Variants in GALNT1 observed in about 807,000 individuals in gnomAD.
GALNT1 encodes the protein polypeptide N-acetylgalactosaminyltransferase 1, also known as GalNAc transferase 1.
GALNT1 carries 17 observed loss-of-function variants against 65.7 expected under a neutral mutation model. The observed-to-expected ratio is 0.26, with a 90% confidence interval of 0.18 to 0.39. The LOEUF (loss-of-function observed/expected upper bound fraction) is 0.39. Ranked by LOEUF, GALNT1 falls within the 10% of genes least tolerant of loss-of-function variation. GALNT1 has a pLI of 1.00. For missense variants in GALNT1, 460 were observed against 672.8 expected (o/e 0.68, Z 3.50); for synonymous variants, 210 against 219.7 (o/e 0.96, Z 0.39).
At chr18:35,608,736 A>G (rs865864760) in intron 1 of GALNT1, among the ~76,000 whole-genome samples, 1 of 152,216 alleles carries the variant, frequency 6.6e-6, no homozygotes, top group Admixed American at 6.5e-5. Context: ...ATAATATAGT[A>G]TGATAAATGC....
At chr18:35,632,429 G>A (rs1444822607) in intron 1 of GALNT1, among the ~76,000 whole-genome samples, 1 of 152,114 alleles carries the variant, frequency 6.6e-6, no homozygotes, top group Admixed American at 6.5e-5. Context: ...TGACAAACCT[G>A]ACAAAAACAA....
chr18:35,686,205 C>T, intron 5 of GALNT1, among the ~76,000 whole-genome samples: 1 of 152,166 alleles, frequency 6.6e-6, no homozygotes, highest in East Asian at 1.9e-4. Context: ...AAAAGATTTA[C>T]TGAAATTCAC....
At chr18:35,694,860 C>A (rs1007832036) in intron 9 of GALNT1, among the ~76,000 whole-genome samples, 1 of 152,170 alleles carries the variant, frequency 6.6e-6, no homozygotes, top group African/African-American at 2.4e-5. Flanking sequence ...AATTCTGATA[C>A]ATGCTACAAC....
chr18:35,697,839 T>C (rs950488612), intron 9 of GALNT1, among the ~76,000 whole-genome samples: 1 of 152,254 alleles, frequency 6.6e-6, no homozygotes, highest in Non-Finnish European at 1.5e-5. Context: ...CTAGATTGTT[T>C]TGGCTTGATT....
At chr18:35,593,352 A>G (rs956130081) in intron 1 of GALNT1, among the ~76,000 whole-genome samples, 8 of 152,164 alleles carry the variant, frequency 5.3e-5, no homozygotes, top group African/African-American at 1.7e-4. Context: ...GCAGAAATCT[A>G]TTACCAGGGG....
At chr18:35,649,934 T>A (rs977655475) in intron 1 of GALNT1, among the ~76,000 whole-genome samples, 2 of 152,222 alleles carry the variant, frequency 1.3e-5, no homozygotes, top group African/African-American at 4.8e-5. Flanking sequence ...CCAATAATGT[T>A]GTCTGTTGTG....
chr18:35,653,891 C>CT (rs2047342487), intron 1 of GALNT1, among the ~76,000 whole-genome samples: 1 of 152,184 alleles, frequency 6.6e-6, no homozygotes, highest in African/African-American at 2.4e-5. Flanking sequence ...ATATACTTTT[C>CT]TTTTCCATTA....
intron 3 of GALNT1, among the ~76,000 whole-genome samples, chr18:35,671,613 TAATA>T (rs2047637500): frequency 6.6e-6 from 1 of 152,232 alleles, no homozygotes; most frequent in African/African-American, 2.4e-5. Context: ...AAGTTTGACT[TAATA>T]AATCTTGCTT....
chr18:35,692,092 T>C (rs978605749), intron 8 of GALNT1, 89 bp from the exon 9 acceptor site: 1 of 1,157,294 alleles, frequency 8.6e-7, no homozygotes, highest in East Asian at 2.5e-5. Context: ...ACCACTGTTC[T>C]GATTCATCTG....
chr18:35,602,166 A>G (rs1039544936), intron 1 of GALNT1, among the ~76,000 whole-genome samples: 1 of 152,068 alleles, frequency 6.6e-6, no homozygotes, highest in African/African-American at 2.4e-5. Context: ...TTTTTTCTTT[A>G]GCACTTGGAA....
intron 3 of GALNT1, among the ~76,000 whole-genome samples, chr18:35,670,023 C>A (rs1174955121): frequency 1.3e-5 from 2 of 152,168 alleles, no homozygotes; most frequent in South Asian, 2.1e-4. Context: ...GTCACGGTGA[C>A]TCACACCTGT....
At chr18:35,625,370 AC>A (rs141244258) in intron 1 of GALNT1, among the ~76,000 whole-genome samples, 2,408 of 152,308 alleles carry the variant, frequency 0.016, 31 homozygotes, top group African/African-American at 0.028. Context: ...AAGTAGGAGA[AC>A]AAGAAATGAC....
rs1166987925 is a variant in GALNT1 at position 35,645,218 on chromosome 18, GTTTTTTT to G, written c.-103-9322_-103-9316del. ...TTGGGTTTTCATAGCTATTTTGAATGTTTTTTTTTTTTTTTTTTTTTTTTTTCTGGGA... is the reference window on the plus strand; with the variant it reads ...TTGGGTTTTCATAGCTATTTTGAATGTTTTTTTTTTTTTTTTTTTCTGGGA... On this transcript the variant is annotated intron_variant, in intron 1 of 11. Coordinates refer to ENST00000269195, the MANE Select transcript of GALNT1 (RefSeq NM_020474.4). Among the ~76,000 whole-genome samples, 24 of 54,366 alleles carry G rather than the reference GTTTTTTT, an allele frequency of 4.4e-4. No homozygotes were observed. In the East Asian group the frequency reaches 5.4e-3, roughly 12 times the overall value. 35.7% of individuals were successfully genotyped at this position (54,366 alleles called of 152,430 possible).
At chr18:35,681,487 A>ATT (rs35993193) in intron 4 of GALNT1, among the ~76,000 whole-genome samples, 4 of 148,520 alleles carry the variant, frequency 2.7e-5, no homozygotes, top group Admixed American at 6.7e-5. Flanking sequence ...AGAATCATGC[A>ATT]TTTTTTTTTT....
At chr18:35,648,869 C>T (rs2047271814) in intron 1 of GALNT1, among the ~76,000 whole-genome samples, 1 of 152,174 alleles carries the variant, frequency 6.6e-6, no homozygotes, top group African/African-American at 2.4e-5. Context: ...GCCACAGATT[C>T]ATTTATGGGC....
intron 9 of GALNT1, among the ~76,000 whole-genome samples, chr18:35,696,239 T>C (rs770415446): frequency 1.3e-5 from 2 of 152,242 alleles, no homozygotes; most frequent in Non-Finnish European, 2.9e-5. Flanking sequence ...AGGGATCTTA[T>C]GCTTCTGATC....
chr18:35,647,605 A>T (rs961363036), intron 1 of GALNT1, among the ~76,000 whole-genome samples: 1 of 152,104 alleles, frequency 6.6e-6, no homozygotes, highest in African/African-American at 2.4e-5. Flanking sequence ...AAATAAATAG[A>T]TTTGTCGAAG....
intron 1 of GALNT1, among the ~76,000 whole-genome samples, chr18:35,614,545 A>G (rs2046758516): frequency 6.6e-6 from 1 of 152,160 alleles, no homozygotes; most frequent in Non-Finnish European, 1.5e-5. Context: ...CGATATAAAG[A>G]TGCCCACTGT....
At position 35,625,577 on chromosome 18, in the gene GALNT1, C is replaced by T. The variant is rs189687573; in HGVS notation, c.-103-28983C>T. ...GGGATAGAGAAAAAGACTTCTTGTG[C>T]AGAAGATGGTAAAGGAAGAACAAAT... On this transcript the variant is annotated intron_variant, in intron 1 of 11. Transcript: ENST00000269195. 7.9e-5 allele frequency among the ~76,000 whole-genome samples: 12 copies of T among 152,180 alleles called. No individual in the cohort carries two copies. The East Asian group carries it at 1.9e-3, about 24-fold the overall frequency.
Sources: allele counts gnomAD v4.1 joint callset (sites outside exome capture counted in the v4.1 genomes callset), GRCh38; gene constraint gnomAD v4.1.1; transcripts MANE v1.5; gene names NCBI Gene and HGNC (gene_info 2026-07-23, HGNC 2026-07-21).